HLF: variants seen among roughly 807,000 people sequenced by gnomAD.
HLF encodes the protein hepatic leukemia factor.
A neutral mutation model predicts 22.6 loss-of-function variants in HLF; 3 were observed. That is an observed-to-expected ratio of 0.13 (90% CI 0.06 to 0.34). The LOEUF (loss-of-function observed/expected upper bound fraction) is 0.34, where lower values mean the gene tolerates loss of function less well. Ranked by LOEUF, HLF falls within the 10% of genes least tolerant of loss-of-function variation. HLF has a pLI of 1.00. For missense variants in HLF, 299 were observed against 389.2 expected, an observed-to-expected ratio of 0.77 and a Z score of 1.95; for synonymous variants, 151 against 151.8, an observed-to-expected ratio of 0.99 and a Z score of 0.04.
At chr17:55,288,966 A>C in intron 2 of HLF, 1 of 984,318 alleles carries the variant, frequency 1.0e-6, no homozygotes, top group Non-Finnish European at 1.2e-6. Flanking sequence ...CAGGTTCTTA[A>C]TTGGGATTTT....
At position 55,265,346 on chromosome 17, in the gene HLF, T is replaced by G; in HGVS notation, c.-139T>G. On this transcript the variant is annotated 5_prime_UTR_variant, in exon 1 of 4. In the 5' UTR this introduces an upstream ATG that the reference lacks. Transcript: ENST00000226067. ...ATGTATTTATAAAGATATAAGTAATTTTTTTCTTCCCTTTTCTCCACCGCC... is the reference window on the plus strand; with the variant it reads ...ATGTATTTATAAAGATATAAGTAATGTTTTTCTTCCCTTTTCTCCACCGCC... The G allele has an allele frequency of 1.6e-6, 1 of 608,052 alleles. No homozygotes were observed. The highest frequency in any genetic ancestry group is 2.9e-6 in the Non-Finnish European group (1 of 345,810). The allele number at this position is 608,052 out of a possible 1,614,324, so 37.7% of individuals were successfully genotyped here.
At chr17:55,294,258 C>T (rs1479052931) in intron 2 of HLF, among the ~76,000 whole-genome samples, 3 of 152,302 alleles carry the variant, frequency 2.0e-5, no homozygotes, top group Non-Finnish European at 2.9e-5. Flanking sequence ...AACAGGGAGA[C>T]GCATATGGTC....
intron 2 of HLF, among the ~76,000 whole-genome samples, chr17:55,286,382 G>A (rs138570100): frequency 1.3e-5 from 2 of 151,894 alleles, no homozygotes; most frequent in African/African-American, 4.8e-5. Flanking sequence ...GGCCAAGCTG[G>A]CTGTTTTGCC....
At chr17:55,317,290 G>A (rs1039921015) in intron 3 of HLF, among the ~76,000 whole-genome samples, 7 of 151,968 alleles carry the variant, frequency 4.6e-5, no homozygotes, top group Admixed American at 1.3e-4. Context: ...TTAAAGCCTC[G>A]TATCTTAAAC....
rs1251277211 is a variant in HLF, at chr17:55,315,213, C to A, written c.452-14C>A. ...CTAGGGTGTTCATGAATTAAAACTC[C>A]TGTGTTGTTCCAGGTCAGCTGTTGC... On this transcript the variant is annotated splice_polypyrimidine_tract_variant and intron_variant, in intron 2 of 3. Transcript: ENST00000226067. 1 of 1,610,626 alleles carries A rather than the reference C, an allele frequency of 6.2e-7. No homozygotes were observed. Among genetic ancestry groups the A allele is most frequent in the South Asian group, 1.1e-5 (1 of 90,962 alleles).
intron 2 of HLF, among the ~76,000 whole-genome samples, chr17:55,306,537 A>AGTGTGTGT (rs60472672): frequency 0.081 from 11,604 of 143,554 alleles, 530 homozygotes; most frequent in East Asian, 0.16. Flanking sequence ...GCAAAAAGGA[A>AGTGTGTGT]GTGTGTGTGT....
intron 2 of HLF, among the ~76,000 whole-genome samples, chr17:55,281,037 G>A (rs977133154): frequency 3.9e-5 from 6 of 152,164 alleles, no homozygotes; most frequent in East Asian, 1.9e-4. Context: ...CATGGGTCAC[G>A]CTTGATACAG....
intron 2 of HLF, among the ~76,000 whole-genome samples, chr17:55,312,390 C>T (rs969033315): frequency 2.0e-5 from 3 of 152,170 alleles, no homozygotes; most frequent in African/African-American, 7.2e-5. Context: ...AATGTACATG[C>T]CTCTTGCGTG....
At chr17:55,285,969 C>G (rs2145322626) in intron 2 of HLF, among the ~76,000 whole-genome samples, 1 of 152,318 alleles carries the variant, frequency 6.6e-6, no homozygotes, top group Non-Finnish European at 1.5e-5. Flanking sequence ...GAAGCCCCTT[C>G]CTTCCTCGGG....
At chr17:55,276,955 C>T (rs986657693) in intron 2 of HLF, among the ~76,000 whole-genome samples, 8 of 151,998 alleles carry the variant, frequency 5.3e-5, no homozygotes, top group African/African-American at 1.9e-4. Flanking sequence ...TTTCAAAACA[C>T]GATGTTCTAA....
Position 55,289,174 on chromosome 17 carries a change from A to T in HLF, c.451+21088A>T, listed in dbSNP as rs1455335238. ...GGTTTACAGAATGGCATGTCTCCCC[A>T]TGCCAGCCAGTGATAAGGGGCACTA... On this transcript the variant is annotated intron_variant, in intron 2 of 3. Coordinates refer to ENST00000226067, the MANE Select transcript of HLF (RefSeq NM_002126.5). Among the ~76,000 whole-genome samples, 3 of 152,212 alleles carry T rather than the reference A, an allele frequency of 2.0e-5. No homozygotes were observed. The East Asian group carries it at 5.8e-4, about 29-fold the overall frequency.
chr17:55,324,706 T>C lies in HLF; in HGVS notation c.*3827T>C, dbSNP rs1012664071. The C allele has an allele frequency of 8.6e-6, 2 of 233,010 alleles. No individual in the cohort carries two copies. The highest frequency in any genetic ancestry group is 1.7e-5 in the Non-Finnish European group (2 of 117,928). 14.4% of individuals were successfully genotyped at this position (233,010 alleles called of 1,614,324 possible). On this transcript the variant is annotated 3_prime_UTR_variant, in exon 4 of 4. Coordinates refer to ENST00000226067, the MANE Select transcript of HLF (RefSeq NM_002126.5). The stretch of plus-strand genomic sequence containing the variant: ...TCCACGTTTTTTCTGCAATTAATAA[T>C]GTCATTTAAAAAATGAGCAAAGCCT...
chr17:55,310,972 C>T (rs541806386), intron 2 of HLF, among the ~76,000 whole-genome samples: 41 of 151,854 alleles, frequency 2.7e-4, no homozygotes, highest in African/African-American at 9.4e-4. Context: ...TTTAAAAAAG[C>T]CCACAAAAAA....
At chr17:55,307,016 G>T (rs376539352) in intron 2 of HLF, among the ~76,000 whole-genome samples, 2 of 151,484 alleles carry the variant, frequency 1.3e-5, no homozygotes, top group South Asian at 4.2e-4. Flanking sequence ...TGTATTCCTT[G>T]ATTTGGTAAA....
chr17:55,314,050 T>C (rs182322636), intron 2 of HLF, among the ~76,000 whole-genome samples: 6 of 152,194 alleles, frequency 3.9e-5, no homozygotes, highest in Admixed American at 2.0e-4. Context: ...GAGGGGGAGA[T>C]GGGCCAAACA....
Position 55,320,220 on chromosome 17 carries a change from T to G in HLF, c.673-444T>G, listed in dbSNP as rs1231768904. 6.6e-6 allele frequency among the ~76,000 whole-genome samples: 1 copy of G among 152,240 alleles called. No homozygotes were observed. Among genetic ancestry groups the G allele is most frequent in the Non-Finnish European group, 1.5e-5 (1 of 68,034 alleles). On this transcript the variant is annotated intron_variant, in intron 3 of 3. Coordinates refer to ENST00000226067, the MANE Select transcript of HLF (RefSeq NM_002126.5). This position sits in a 1 kb window ranked among gnomAD's most constrained non-coding sequence, Gnocchi z 4.2. ...GTGCTAGATGAATAGTATATCCATT[T>G]AAATAGTTGATAGATATTGCCAAAT... is the stretch of plus-strand genomic sequence containing the variant.
intron 2 of HLF, among the ~76,000 whole-genome samples, chr17:55,275,406 C>T (rs2080896461): frequency 6.6e-6 from 1 of 152,138 alleles, no homozygotes. Context: ...CAAAGAAGTT[C>T]TTGATTAGAT....
intron 2 of HLF, among the ~76,000 whole-genome samples, chr17:55,295,097 A>C (rs2081100238): frequency 6.6e-6 from 1 of 152,196 alleles, no homozygotes; most frequent in African/African-American, 2.4e-5. Flanking sequence ...AATGGCGAAG[A>C]GATATAATTA....
intron 2 of HLF, among the ~76,000 whole-genome samples, chr17:55,311,372 C>T (rs1414684193): frequency 2.6e-5 from 4 of 151,842 alleles, no homozygotes; most frequent in Non-Finnish European, 5.9e-5. Context: ...GGCGTGGTGG[C>T]GGGCGCCTGT....
Sources: allele counts gnomAD v4.1 joint callset (sites outside exome capture counted in the v4.1 genomes callset), GRCh38; gene constraint gnomAD v4.1.1; non-coding constraint Gnocchi (gnomAD v3.1); transcripts MANE v1.5; gene names NCBI Gene and HGNC (gene_info 2026-07-23, HGNC 2026-07-21).